Variants in NAALADL2 observed in about 807,000 individuals in gnomAD.
NAALADL2 encodes N-acetylated alpha-linked acidic dipeptidase like 2, also known as inactive N-acetylated-alpha-linked acidic dipeptidase-like protein 2.
A neutral mutation model predicts 87.2 loss-of-function variants in NAALADL2; 76 were observed. That is an observed-to-expected ratio of 0.87 (90% CI 0.72 to 1.05). The LOEUF (loss-of-function observed/expected upper bound fraction) is 1.05, where lower values mean the gene tolerates loss of function less well. Among genes scored for constraint, NAALADL2 ranks in the 50% least tolerant of loss-of-function variants. The pLI is 0.00. For missense variants in NAALADL2, 1,089 were observed against 945.8 expected, an observed-to-expected ratio of 1.15 and a Z score of -1.99; for synonymous variants, 354 against 331.0, an observed-to-expected ratio of 1.07 and a Z score of -0.75.
chr3:175,277,138 G>T (rs537668516), intron 4 of NAALADL2, among the ~76,000 whole-genome samples: 2 of 152,180 alleles, frequency 1.3e-5, no homozygotes, highest in African/African-American at 4.8e-5. Context: ...ACAAATATAT[G>T]TTTAAATAAA....
chr3:175,796,255 G>A lies in NAALADL2; in HGVS notation c.2190-6750G>A, dbSNP rs183622457. ...CATATGCTATATTCTGTTGGTCAAG[G>A]CCCAAACCAAATTCAAGAGGTAGAG... On this transcript the variant is annotated intron_variant, in intron 13 of 13. Transcript: ENST00000454872. Among the ~76,000 whole-genome samples the A allele has an allele frequency of 8.2e-4, 125 of 152,130 alleles. 1 individual carries two copies. The highest frequency in any genetic ancestry group is 2.8e-3 in the African/African-American group (117 of 41,506).
At chr3:175,280,983 C>T (rs980442423) in intron 4 of NAALADL2, among the ~76,000 whole-genome samples, 11 of 151,822 alleles carry the variant, frequency 7.2e-5, no homozygotes, top group South Asian at 6.2e-4. Context: ...CCACACCAAC[C>T]CTCTTCCATT....
intron 1 of NAALADL2, among the ~76,000 whole-genome samples, chr3:174,987,494 G>A (rs928389367): frequency 3.6e-5 from 5 of 138,604 alleles, no homozygotes; most frequent in South Asian, 4.6e-4. Flanking sequence ...GCGTGAACCC[G>A]GGAGGCGGAG....
chr3:175,205,093 GA>G (rs1740623665), intron 2 of NAALADL2, among the ~76,000 whole-genome samples: 1 of 151,836 alleles, frequency 6.6e-6, no homozygotes. Flanking sequence ...CAAAGAACTA[GA>G]AAAAAACACT....
chr3:175,344,874 C>T (rs1363004698), intron 5 of NAALADL2, among the ~76,000 whole-genome samples: 2 of 152,084 alleles, frequency 1.3e-5, no homozygotes, highest in East Asian at 1.9e-4. Flanking sequence ...ACTCTTACAA[C>T]TTCATAACAA....
At chr3:174,453,538 A>G (rs1352931605) in intron 1 of NAALADL2, among the ~76,000 whole-genome samples, 1 of 152,228 alleles carries the variant, frequency 6.6e-6, no homozygotes, top group East Asian at 1.9e-4. Context: ...GGTCACCCAA[A>G]GGGAAGCCCA....
intron 1 of NAALADL2, among the ~76,000 whole-genome samples, chr3:174,953,256 G>A (rs1269115207): frequency 7.3e-6 from 1 of 136,450 alleles, no homozygotes; most frequent in Non-Finnish European, 1.5e-5. Flanking sequence ...TTTTATTCAG[G>A]AAGCAAAAAC....
intron 11 of NAALADL2, among the ~76,000 whole-genome samples, chr3:175,661,839 C>A (rs1428953422): frequency 6.6e-6 from 1 of 151,822 alleles, no homozygotes; most frequent in Non-Finnish European, 1.5e-5. Flanking sequence ...CTATGCTGTT[C>A]CATTGGTCTG....
intron 1 of NAALADL2, among the ~76,000 whole-genome samples, chr3:174,454,044 A>G (rs2108278100): frequency 6.6e-6 from 1 of 152,278 alleles, no homozygotes; most frequent in South Asian, 2.1e-4. Context: ...GCTTAAAATA[A>G]AGGGATGGAG....
chr3:174,526,684 T>C (rs1015692408), intron 1 of NAALADL2, among the ~76,000 whole-genome samples: 11 of 151,354 alleles, frequency 7.3e-5, no homozygotes, highest in East Asian at 1.9e-4. Context: ...TTTTCTTTTT[T>C]TTTTTTTTTG....
At chr3:175,216,746 G>A (rs189367257) in intron 2 of NAALADL2, among the ~76,000 whole-genome samples, 8 of 134,336 alleles carry the variant, frequency 6.0e-5, no homozygotes, top group Admixed American at 1.8e-4. Flanking sequence ...TTGGCTCATC[G>A]CAACCTCCAC....
Position 175,121,673 on chromosome 3 carries a change from C to T in NAALADL2, c.545+24382C>T, listed in dbSNP as rs79663571. ...TTGTTTACAGATTTGGGCCAACAGG[C>T]TTCCACTATTTTAGTTAGTACCCTG... is the stretch of plus-strand genomic sequence containing the variant. On this transcript the variant is annotated intron_variant, in intron 2 of 13. Transcript: ENST00000454872. Among the ~76,000 whole-genome samples, 1,063 of 151,928 alleles carry T rather than the reference C, an allele frequency of 7.0e-3. 12 individuals are homozygous for T. Among genetic ancestry groups the T allele is most frequent in the African/African-American group, 0.024 (1,009 of 41,494 alleles).
chr3:174,840,748 C>G (rs1282591455), intron 3 of NAALADL2, among the ~76,000 whole-genome samples: 2 of 152,124 alleles, frequency 1.3e-5, no homozygotes, highest in African/African-American at 2.4e-5. Context: ...TTTGTTCTCT[C>G]TCTTTATTTT....
chr3:175,161,078 C>T (rs150475667), intron 2 of NAALADL2, among the ~76,000 whole-genome samples: 24 of 151,592 alleles, frequency 1.6e-4, no homozygotes, highest in African/African-American at 2.4e-4. Flanking sequence ...TCAATTACAC[C>T]GCAACCACCA....
intron 2 of NAALADL2, among the ~76,000 whole-genome samples, chr3:174,675,360 A>G (rs1055206850): frequency 6.6e-6 from 1 of 152,110 alleles, no homozygotes; most frequent in East Asian, 1.9e-4. Flanking sequence ...GCTTTATCCT[A>G]TGAAACAACT....
Position 175,802,873 on chromosome 3 carries a change from T to G in NAALADL2, c.2190-132T>G, listed in dbSNP as rs1487316038. Reference sequence around the variant, plus strand: ...TGTTAATTCATTAGGAGTTGAAAAATCGTGATATTATATTTTTATAATTTA... The same window carrying G: ...TGTTAATTCATTAGGAGTTGAAAAAGCGTGATATTATATTTTTATAATTTA... On this transcript the variant is annotated intron_variant, in intron 13 of 13. Transcript: ENST00000454872. 4.9e-6 allele frequency: 3 copies of G among 608,116 alleles called. No homozygotes were observed. The African/African-American group carries it at 6.3e-5, about 13-fold the overall frequency. The allele number at this position is 608,116 out of a possible 1,614,324, so 37.7% of individuals were successfully genotyped here.
At chr3:175,584,044 T>TC (rs1720181197) in intron 10 of NAALADL2, among the ~76,000 whole-genome samples, 1 of 151,906 alleles carries the variant, frequency 6.6e-6, no homozygotes, top group Non-Finnish European at 1.5e-5. Flanking sequence ...CACTACTTTT[T>TC]TTTTTTTTTC....
rs536223239 is a variant in NAALADL2, at chr3:174,555,895, G to C, written c.-115+5258G>C. ...CTATTTTCTCAATTTCTGACGTGCT[G>C]TATTTGGGGGTTGTGTTTTCCACCA... On this transcript the variant is annotated intron_variant, in intron 2 of 3. Coordinates refer to the NAALADL2 transcript ENST00000434257. 3.9e-5 allele frequency among the ~76,000 whole-genome samples: 6 copies of C among 152,018 alleles called. No homozygotes were observed. In the South Asian group the frequency reaches 1.0e-3, roughly 26 times the overall value.
chr3:174,538,018 T>C (rs562525168), intron 1 of NAALADL2, among the ~76,000 whole-genome samples: 5 of 152,038 alleles, frequency 3.3e-5, no homozygotes, highest in Admixed American at 1.3e-4. Context: ...ACACAGAGGC[T>C]CTTAGTATTT....
Sources: allele counts gnomAD v4.1 joint callset (sites outside exome capture counted in the v4.1 genomes callset), GRCh38; gene constraint gnomAD v4.1.1; transcripts MANE v1.5; gene names NCBI Gene and HGNC (gene_info 2026-07-23, HGNC 2026-07-21).